NARS2: variants seen among roughly 807,000 people sequenced by gnomAD.
NARS2 encodes the protein asparaginyl-tRNA synthetase 2, mitochondrial.
A neutral mutation model predicts 62.9 loss-of-function variants in NARS2; 60 were observed. The ratio of observed to expected loss-of-function variants is 0.95; its 90% confidence interval spans 0.77 to 1.18. The LOEUF is 1.18. Ranked by LOEUF, NARS2 falls within the 50% of genes most tolerant of loss-of-function variation. The pLI, the probability that NARS2 is intolerant of heterozygous loss-of-function variation, is 0.00. For missense variants in NARS2, 619 were observed against 576.4 expected, an observed-to-expected ratio of 1.07 and a Z score of -0.76; for synonymous variants, 196 against 200.0, an observed-to-expected ratio of 0.98 and a Z score of 0.17.
At chr11:78,448,148 T>G (rs1269323873) in intron 11 of NARS2, among the ~76,000 whole-genome samples, 2 of 152,134 alleles carry the variant, frequency 1.3e-5, no homozygotes, top group Non-Finnish European at 1.5e-5. Context: ...AACAGTACAT[T>G]ATACCCCATA....
intron 6 of NARS2, among the ~76,000 whole-genome samples, chr11:78,504,774 C>T (rs1464800352): frequency 6.6e-6 from 1 of 152,120 alleles, no homozygotes; most frequent in Non-Finnish European, 1.5e-5. Context: ...AAATATAACA[C>T]CGGTGAAGAG....
intron 6 of NARS2, among the ~76,000 whole-genome samples, chr11:78,496,735 T>TGATA (rs56228040): frequency 0.75 from 113,946 of 151,528 alleles, 43,258 homozygotes; most frequent in Non-Finnish European, 0.81. Flanking sequence ...ATAATGAGAA[T>TGATA]GATATATTCT....
chr11:78,471,531 T>C (rs373819830), intron 9 of NARS2, among the ~76,000 whole-genome samples: 2 of 151,458 alleles, frequency 1.3e-5, no homozygotes, highest in Non-Finnish European at 2.9e-5. Flanking sequence ...TTTTTTTTTC[T>C]TTTTTTTCTT....
At chr11:78,455,439 C>T (rs936918722) in intron 11 of NARS2, among the ~76,000 whole-genome samples, 3 of 152,058 alleles carry the variant, frequency 2.0e-5, no homozygotes, top group Non-Finnish European at 4.4e-5. Flanking sequence ...GTATACAGTT[C>T]TATAAATTTT....
At chr11:78,494,273 G>A (rs1859958318) in intron 6 of NARS2, among the ~76,000 whole-genome samples, 1 of 152,132 alleles carries the variant, frequency 6.6e-6, no homozygotes, top group African/African-American at 2.4e-5. Flanking sequence ...CACATATGAA[G>A]TAATAAATAT....
Position 78,461,602 on chromosome 11 carries a change from T to TAAAAAA in NARS2, c.1164+4268_1164+4273dup, listed in dbSNP as rs59664343. On this transcript the variant is annotated intron_variant, in intron 11 of 13. Coordinates refer to ENST00000281038, the MANE Select transcript of NARS2 (RefSeq NM_024678.6). ...GAATGAGTGGGAGATGCTGTGCTGG[T>TAAAAAA]AAAAAAAAAAAAAAAAAAAAAAAAA... 6.8e-3 allele frequency among the ~76,000 whole-genome samples: 437 copies of TAAAAAA among 64,054 alleles called. 20 individuals are homozygous for TAAAAAA. The highest frequency in any genetic ancestry group is 0.026 in the African/African-American group (426 of 16,392). The allele number at this position is 64,054 out of a possible 152,430, so 42.0% of individuals were successfully genotyped here. A position where few individuals can be genotyped will look rare whatever the true frequency, so the allele number is the denominator to read the frequency against.
chr11:78,468,327 AAG>A (rs1858718672), intron 10 of NARS2, among the ~76,000 whole-genome samples: 3 of 148,274 alleles, frequency 2.0e-5, no homozygotes, highest in African/African-American at 5.0e-5. Context: ...AAAAAAAAAA[AAG>A]AAAAAAAAGA....
chr11:78,542,211 G>C (rs1271794597), intron 5 of NARS2, among the ~76,000 whole-genome samples: 1 of 152,228 alleles, frequency 6.6e-6, no homozygotes, highest in African/African-American at 2.4e-5. Flanking sequence ...TATTAAGTCA[G>C]ACTGTTTGTA....
chr11:78,534,526 GCTGA>G (rs1401258798), intron 5 of NARS2, among the ~76,000 whole-genome samples: 1 of 152,162 alleles, frequency 6.6e-6, no homozygotes, highest in African/African-American at 2.4e-5. Context: ...CCTTTAGGCT[GCTGA>G]CTGACTGATA....
At chr11:78,497,677 T>G (rs891396433) in intron 6 of NARS2, among the ~76,000 whole-genome samples, 2 of 152,172 alleles carry the variant, frequency 1.3e-5, no homozygotes, top group African/African-American at 4.8e-5. Context: ...GTCAATACTG[T>G]GATATATTTT....
At chr11:78,476,203 C>G (rs983439945) in intron 9 of NARS2, among the ~76,000 whole-genome samples, 5 of 152,168 alleles carry the variant, frequency 3.3e-5, no homozygotes, top group African/African-American at 1.2e-4. Context: ...TATCTCTGAT[C>G]AGGTGCTACT....
chr11:78,541,918 A>C (rs1855635405), intron 5 of NARS2, among the ~76,000 whole-genome samples: 2 of 152,170 alleles, frequency 1.3e-5, no homozygotes, highest in Admixed American at 1.3e-4. Context: ...AATAAACTGC[A>C]TTCTATTTTG....
chr11:78,527,382 C>T (rs1044936416), intron 6 of NARS2, among the ~76,000 whole-genome samples: 1 of 152,172 alleles, frequency 6.6e-6, no homozygotes, highest in Admixed American at 6.5e-5. Context: ...CCATGACAGG[C>T]TTGACACGGC....
Position 78,477,685 on chromosome 11 carries a change from GATC to G in NARS2, c.959+750_959+752del, listed in dbSNP as rs200344609. Among the ~76,000 whole-genome samples, 779 of 152,246 alleles carry G rather than the reference GATC, an allele frequency of 5.1e-3. 4 individuals carry two copies. Among genetic ancestry groups the G allele is most frequent in the African/African-American group, 0.018 (754 of 41,542 alleles). On this transcript the variant is annotated intron_variant, in intron 9 of 13. Coordinates refer to ENST00000281038, the MANE Select transcript of NARS2 (RefSeq NM_024678.6). Reference sequence around the variant, plus strand: ...AAATCAGTGGACTTTGAAAAAAGCAGATCATATTACCCTTCATAATGTGGGTGG... The same window carrying G: ...AAATCAGTGGACTTTGAAAAAAGCAGATATTACCCTTCATAATGTGGGTGG...
At chr11:78,463,713 C>CAAAAAAAAA (rs10649252) in intron 11 of NARS2, among the ~76,000 whole-genome samples, 12 of 47,980 alleles carry the variant, frequency 2.5e-4, no homozygotes, top group African/African-American at 3.2e-4. Flanking sequence ...TAGTTAAGGT[C>CAAAAAAAAA]AAAAAAAAAA....
chr11:78,510,427 A>G (rs926843480), intron 6 of NARS2, among the ~76,000 whole-genome samples: 8 of 152,220 alleles, frequency 5.3e-5, no homozygotes, highest in African/African-American at 1.9e-4. Flanking sequence ...CAGACACAAC[A>G]GTTATAAATA....
chr11:78,442,055 T>C (rs1342871186), intron 12 of NARS2, among the ~76,000 whole-genome samples: 1 of 152,220 alleles, frequency 6.6e-6, no homozygotes, highest in East Asian at 1.9e-4. Context: ...TAGGGAATCA[T>C]ATATATCCAC....
chr11:78,465,750 T>G, intron 11 of NARS2, 126 bp downstream of exon 11: 1 of 1,094,468 alleles, frequency 9.1e-7, no homozygotes, highest in East Asian at 2.6e-5. Flanking sequence ...TTAAGAGATG[T>G]CTTTGAAAAA....
At chr11:78,468,562 AC>A (rs1420999958) in intron 10 of NARS2, among the ~76,000 whole-genome samples, 1 of 150,900 alleles carries the variant, frequency 6.6e-6, no homozygotes, top group Non-Finnish European at 1.5e-5. Flanking sequence ...CCGCCACCTC[AC>A]CCAGCTAATT....
Sources: allele counts gnomAD v4.1 joint callset (sites outside exome capture counted in the v4.1 genomes callset), GRCh38; gene constraint gnomAD v4.1.1; transcripts MANE v1.5; gene names NCBI Gene and HGNC (gene_info 2026-07-23, HGNC 2026-07-21).